Variants in AGMO observed in about 807,000 individuals in gnomAD.
The protein encoded by AGMO is alkylglycerol monooxygenase.
AGMO carries 75 observed loss-of-function variants against 60.2 expected under a neutral mutation model. The ratio of observed to expected loss-of-function variants is 1.25; its 90% CI spans 1.03 to 1.51. The LOEUF (loss-of-function observed/expected upper bound fraction) is 1.51, where lower values mean the gene tolerates loss of function less well. AGMO is among the 40% of genes most tolerant of loss of function. AGMO has a pLI of 0.00. For synonymous variants in AGMO, 261 were observed against 177.1 expected (o/e 1.47, Z -3.76); for missense variants, 763 against 525.5 (o/e 1.45, Z -4.42).
intron 12 of AGMO, among the ~76,000 whole-genome samples, chr7:15,206,156 AAAT>A (rs1386544729): frequency 6.6e-6 from 1 of 152,140 alleles, no homozygotes; most frequent in Non-Finnish European, 1.5e-5. Flanking sequence ...GCAAGAGGAC[AAAT>A]AAGCACAATG....
intron 12 of AGMO, among the ~76,000 whole-genome samples, chr7:15,220,279 C>T (rs1248607170): frequency 7.7e-6 from 1 of 130,510 alleles, no homozygotes; most frequent in Non-Finnish European, 1.5e-5. Flanking sequence ...AGTGCAGTGG[C>T]TTGGATCTGG....
intron 12 of AGMO, among the ~76,000 whole-genome samples, chr7:15,242,633 T>A (rs1337204723): frequency 2.0e-5 from 3 of 152,086 alleles, no homozygotes; most frequent in African/African-American, 7.2e-5. Context: ...CTACATCAGA[T>A]AAAAGAGTTA....
At chr7:15,179,429 CA>C in the AGMO span, among the ~76,000 whole-genome samples, 2 of 152,064 alleles carry the variant, frequency 1.3e-5, no homozygotes, top group African/African-American at 2.4e-5. Context: ...GAGAGCTATG[CA>C]AGAAGAAAGG....
At chr7:15,364,852 G>A (rs1782909962) in intron 12 of AGMO, among the ~76,000 whole-genome samples, 1 of 151,976 alleles carries the variant, frequency 6.6e-6, no homozygotes, top group Admixed American at 6.6e-5. Context: ...GATGTTGGCA[G>A]GTGTCTTGGC....
chr7:15,444,260 T>A (rs1435277281), intron 3 of AGMO, among the ~76,000 whole-genome samples: 1 of 152,170 alleles, frequency 6.6e-6, no homozygotes, highest in Non-Finnish European at 1.5e-5. Context: ...GTTAGCAAAA[T>A]TAATCCTTTT....
At chr7:15,324,245 T>G (rs975784844) in intron 12 of AGMO, among the ~76,000 whole-genome samples, 1 of 152,134 alleles carries the variant, frequency 6.6e-6, no homozygotes, top group African/African-American at 2.4e-5. Context: ...GTGTGTGCCA[T>G]AGTTGAGACA....
chr7:15,480,989 A>G (rs1003587717), intron 3 of AGMO, among the ~76,000 whole-genome samples: 11 of 152,280 alleles, frequency 7.2e-5, no homozygotes, highest in Admixed American at 2.0e-4. Context: ...TTATGTTTAT[A>G]CACAATTAAT....
the AGMO span, among the ~76,000 whole-genome samples, chr7:15,165,671 AT>A: frequency 6.6e-6 from 1 of 152,088 alleles, no homozygotes; most frequent in African/African-American, 2.4e-5. Context: ...GTCTAGTACA[AT>A]TTTTTCCATT....
chr7:15,228,872 T>A (rs984433828), intron 12 of AGMO, among the ~76,000 whole-genome samples: 1 of 152,022 alleles, frequency 6.6e-6, no homozygotes, highest in East Asian at 1.9e-4. Flanking sequence ...AAGTAAAAGC[T>A]CTCCAAATGA....
intron 12 of AGMO, among the ~76,000 whole-genome samples, chr7:15,353,694 A>G (rs1164136333): frequency 6.6e-6 from 1 of 152,208 alleles, no homozygotes; most frequent in Non-Finnish European, 1.5e-5. Context: ...CAAAATAGAC[A>G]TAATATTAAA....
intron 12 of AGMO, among the ~76,000 whole-genome samples, chr7:15,361,250 C>CA (rs1782741710): frequency 6.7e-6 from 1 of 149,436 alleles, no homozygotes; most frequent in Non-Finnish European, 1.5e-5. Context: ...GTACCTATCA[C>CA]AAAACTCTGA....
chr7:15,375,386 ATTTTTTT>A lies in AGMO; in HGVS notation c.1075-9171_1075-9165del, dbSNP rs71004377. Among the ~76,000 whole-genome samples the A allele has an allele frequency of 5.3e-3, 581 of 109,462 alleles. 5 individuals carry two copies. The highest frequency in any genetic ancestry group is 0.016 in the African/African-American group (426 of 26,232). 71.8% of individuals were successfully genotyped at this position (109,462 alleles called of 152,430 possible). A position where few individuals can be genotyped will look rare whatever the true frequency, so the allele number is the denominator to read the frequency against. On this transcript the variant is annotated intron_variant, in intron 10 of 12. Coordinates refer to ENST00000342526, the MANE Select transcript of AGMO (RefSeq NM_001004320.2). ...CAGATCAGACTTTCTTTCTAAAAGG[ATTTTTTT>A]TTTTTTTTTTTTTTTTTTTTGAGAC...
chr7:15,549,958 C>A (rs1435578613), intron 2 of AGMO, among the ~76,000 whole-genome samples: 1 of 150,170 alleles, frequency 6.7e-6, no homozygotes, highest in Non-Finnish European at 1.5e-5. Flanking sequence ...GAAATTATAA[C>A]AAACTATCTC....
chr7:15,300,189 T>A (rs1342417830), intron 12 of AGMO, among the ~76,000 whole-genome samples: 1 of 152,078 alleles, frequency 6.6e-6, no homozygotes, highest in African/African-American at 2.4e-5. Flanking sequence ...ACCCAAGAGA[T>A]CAAGTTAGAA....
At chr7:15,318,098 G>C (rs1301904198) in intron 12 of AGMO, among the ~76,000 whole-genome samples, 2 of 150,456 alleles carry the variant, frequency 1.3e-5, no homozygotes, top group African/African-American at 4.9e-5. Flanking sequence ...CTCTGCCTCT[G>C]GGGTTCAAAC....
chr7:15,391,945 G>C (rs536741922), intron 6 of AGMO, among the ~76,000 whole-genome samples: 3 of 152,190 alleles, frequency 2.0e-5, no homozygotes, highest in African/African-American at 7.2e-5. Context: ...TGTCAATAGT[G>C]CCGACGTTGG....
At chr7:15,268,194 C>G (rs781162951) in intron 12 of AGMO, among the ~76,000 whole-genome samples, 3 of 151,964 alleles carry the variant, frequency 2.0e-5, no homozygotes, top group Non-Finnish European at 2.9e-5. Context: ...TCAATATAGT[C>G]TTATGAAGTC....
chr7:15,295,108 A>G (rs1784373167), intron 12 of AGMO, among the ~76,000 whole-genome samples: 1 of 151,974 alleles, frequency 6.6e-6, no homozygotes, highest in African/African-American at 2.4e-5. Flanking sequence ...GTTAATAAAA[A>G]CATCCATATT....
intron 12 of AGMO, among the ~76,000 whole-genome samples, chr7:15,274,517 G>C (rs1783718757): frequency 1.3e-5 from 2 of 151,904 alleles, no homozygotes; most frequent in Admixed American, 6.6e-5. Flanking sequence ...GATTTGGTTT[G>C]ATTGGTCTAT....
Sources: allele counts gnomAD v4.1 joint callset (sites outside exome capture counted in the v4.1 genomes callset), GRCh38; gene constraint gnomAD v4.1.1; transcripts MANE v1.5; gene names NCBI Gene and HGNC (gene_info 2026-07-23, HGNC 2026-07-21).